Variants in NCOA1 observed in about 807,000 individuals in gnomAD.
NCOA1 encodes nuclear receptor coactivator 1, also known as Hin-2 protein.
A neutral mutation model predicts 150.9 loss-of-function variants in NCOA1; 35 were observed. The ratio of observed to expected loss-of-function variants is 0.23; its 90% CI spans 0.18 to 0.31. The LOEUF (loss-of-function observed/expected upper bound fraction) is 0.31, where lower values mean the gene tolerates loss of function less well. NCOA1 is among the 10% of genes least tolerant of loss of function. NCOA1 has a pLI of 1.00. For synonymous variants in NCOA1, 590 were observed against 630.0 expected (o/e 0.94, Z 0.95); for missense variants, 1,491 against 1,749.3 (o/e 0.85, Z 2.63).
intron 2 of NCOA1, among the ~76,000 whole-genome samples, chr2:24,576,435 A>G (rs941465595): frequency 2.0e-5 from 3 of 151,882 alleles, no homozygotes; most frequent in African/African-American, 7.3e-5. Flanking sequence ...TCTTTACACT[A>G]CATCCTGTAA....
intron 7 of NCOA1, 98 bp from the exon 8 acceptor site, chr2:24,682,853 A>G: frequency 9.8e-7 from 1 of 1,023,122 alleles, no homozygotes. Flanking sequence ...CCAGGTCTTG[A>G]CATATATTTC....
At chr2:24,653,964 C>T (rs1420067127) in intron 4 of NCOA1, among the ~76,000 whole-genome samples, 2 of 152,098 alleles carry the variant, frequency 1.3e-5, no homozygotes, top group African/African-American at 4.8e-5. Flanking sequence ...TTCATTATTA[C>T]AAATTTATTG....
intron 1 of NCOA1, among the ~76,000 whole-genome samples, chr2:24,512,109 G>C (rs1387195226): frequency 3.9e-5 from 6 of 152,174 alleles, no homozygotes; most frequent in Admixed American, 3.3e-4. Context: ...AAAGTTAGGA[G>C]GATGTTTATT....
chr2:24,501,220 A>T (rs1663447376), intron 1 of NCOA1, among the ~76,000 whole-genome samples: 1 of 152,238 alleles, frequency 6.6e-6, no homozygotes, highest in East Asian at 1.9e-4. Flanking sequence ...CCAGTAATGG[A>T]GTTCTTTTGG....
intron 4 of NCOA1, among the ~76,000 whole-genome samples, chr2:24,652,575 A>G (rs1465282429): frequency 6.6e-6 from 1 of 152,144 alleles, no homozygotes; most frequent in Non-Finnish European, 1.5e-5. Flanking sequence ...AAATCCAAGA[A>G]ATGAATGACA....
chr2:24,600,717 T>C (rs867114953), intron 3 of NCOA1, among the ~76,000 whole-genome samples: 1 of 152,224 alleles, frequency 6.6e-6, no homozygotes, highest in East Asian at 1.9e-4. Flanking sequence ...TTTCTTTCGG[T>C]GATAGTATTT....
chr2:24,511,840 G>A (rs1663947683), intron 1 of NCOA1, among the ~76,000 whole-genome samples: 1 of 151,742 alleles, frequency 6.6e-6, no homozygotes, highest in East Asian at 1.9e-4. Context: ...AAGAGTTTTA[G>A]TGCTTACATT....
At chr2:24,715,895 C>T (rs1161950785) in intron 14 of NCOA1, among the ~76,000 whole-genome samples, 1 of 152,176 alleles carries the variant, frequency 6.6e-6, no homozygotes, top group Non-Finnish European at 1.5e-5. Flanking sequence ...GTAATCCCAG[C>T]ACTTTGGGAG....
intron 6 of NCOA1, 133 bp downstream of exon 6, chr2:24,666,048 G>C (rs1382496190): frequency 8.0e-6 from 4 of 498,942 alleles, no homozygotes; most frequent in Non-Finnish European, 1.1e-5. Flanking sequence ...GTCCCGCTCT[G>C]TCGCCCAGGC....
chr2:24,554,831 T>G lies in NCOA1; in HGVS notation c.-395-9464T>G, dbSNP rs1572413748. On this transcript the variant is annotated intron_variant, in intron 1 of 22. Coordinates refer to ENST00000348332, the MANE Select transcript of NCOA1 (RefSeq NM_003743.5). ...GACGGATGCCTGTTACTGATTTGAT[T>G]TGGCTCTAAAATGGAGGCTGAGAGC... Among the ~76,000 whole-genome samples the G allele has an allele frequency of 2.0e-5, 3 of 152,170 alleles. No homozygotes were observed. The South Asian group carries it at 6.2e-4, about 31-fold the overall frequency.
chr2:24,608,557 A>T (rs1376876292), intron 3 of NCOA1, among the ~76,000 whole-genome samples: 1 of 151,758 alleles, frequency 6.6e-6, no homozygotes, highest in Non-Finnish European at 1.5e-5. Context: ...ATGAGCCACC[A>T]TGCCTGGCCA....
intron 18 of NCOA1, 127 bp downstream of exon 18, chr2:24,739,660 T>G: frequency 1.7e-6 from 1 of 591,774 alleles, no homozygotes; most frequent in East Asian, 2.9e-5. Flanking sequence ...AGTGTAGTTT[T>G]CTTTGAGAAT....
chr2:24,501,120 A>G (rs1663443296), intron 1 of NCOA1, among the ~76,000 whole-genome samples: 1 of 152,246 alleles, frequency 6.6e-6, no homozygotes, highest in East Asian at 1.9e-4. Context: ...ATCAGAAGGT[A>G]TGGAAATGCA....
chr2:24,725,938 T>C (rs1163877096), intron 14 of NCOA1, among the ~76,000 whole-genome samples: 1 of 152,150 alleles, frequency 6.6e-6, no homozygotes, highest in East Asian at 1.9e-4. Context: ...TTTTTTCTAG[T>C]ATAAATAGTA....
rs369701631 is a variant in NCOA1, at chr2:24,658,814, T to A, written c.89+48T>A. 171 of 1,516,624 alleles carry A rather than the reference T, an allele frequency of 1.1e-4. 1 individual carries two copies. Among genetic ancestry groups the A allele is most frequent in the Non-Finnish European group, 1.5e-4 (160 of 1,094,976 alleles). 93.9% of individuals were successfully genotyped at this position (1,516,624 alleles called of 1,614,324 possible). On this transcript the variant is annotated intron_variant, in intron 5 of 22. Transcript: ENST00000348332. ...ATTTTTGGCAGAGCTGCTTTATTAC[T>A]TTCACTGCCACTTCAGAGCTTTTGT...
chr2:24,717,199 T>G (rs983494066), intron 14 of NCOA1, among the ~76,000 whole-genome samples: 68 of 152,368 alleles, frequency 4.5e-4, no homozygotes, highest in African/African-American at 1.4e-3. Flanking sequence ...TTTGGCAGTT[T>G]CTTACAAAAC....
chr2:24,572,900 G>A (rs1312310001), intron 2 of NCOA1, among the ~76,000 whole-genome samples: 2 of 152,232 alleles, frequency 1.3e-5, no homozygotes, highest in South Asian at 2.1e-4. Context: ...TGGGGGGCCC[G>A]TAGGTTATTG....
intron 11 of NCOA1, among the ~76,000 whole-genome samples, chr2:24,704,845 G>C (rs1262803862): frequency 6.6e-6 from 1 of 151,738 alleles, no homozygotes; most frequent in Non-Finnish European, 1.5e-5. Flanking sequence ...TAACTTCTCT[G>C]AGGAGGCACC....
chr2:24,592,907 C>G (rs1207642827), intron 3 of NCOA1, among the ~76,000 whole-genome samples: 2 of 152,066 alleles, frequency 1.3e-5, no homozygotes, highest in East Asian at 3.9e-4. Context: ...TGTCCTTCAC[C>G]TGAACCTACC....
Sources: gnomAD v4.1 joint callset for allele counts (sites outside exome capture counted in the v4.1 genomes callset) on GRCh38, gnomAD v4.1.1 for gene constraint, MANE v1.5 for transcripts, NCBI Gene and HGNC (gene_info 2026-07-23, HGNC 2026-07-21) for gene names.